The following RBFOX1 variants were observed in gnomAD, a reference collection of about 807,000 sequenced individuals.
RBFOX1 encodes the protein RNA binding protein fox-1 homolog 1.
Under a neutral mutation model 57.7 loss-of-function variants are expected in RBFOX1, and 8 were observed. That is an observed-to-expected ratio of 0.14 (90% CI 0.08 to 0.25). RBFOX1 has a LOEUF of 0.25. Among genes scored for constraint, RBFOX1 ranks in the 10% least tolerant of loss-of-function variants. The pLI, the probability that RBFOX1 is intolerant of heterozygous loss-of-function variation, is 1.00. For synonymous variants in RBFOX1, 326 were observed against 222.4 expected, an observed-to-expected ratio of 1.47 and a Z score of -4.15; for missense variants, 611 against 548.5, an observed-to-expected ratio of 1.11 and a Z score of -1.14.
Position 7,166,420 on chromosome 16 carries a change from A to G in RBFOX1, c.27+114322A>G, listed in dbSNP as rs149940296. On this transcript the variant is annotated intron_variant, in intron 4 of 15. Coordinates refer to ENST00000550418, the MANE Select transcript of RBFOX1 (RefSeq NM_018723.4). ...GTTGTAAGGAAAGATAGAAAACTATAGAGGAGTCCATGAATAAATGTGATT... is the reference window on the plus strand; with the variant it reads ...GTTGTAAGGAAAGATAGAAAACTATGGAGGAGTCCATGAATAAATGTGATT... Among the ~76,000 whole-genome samples, 20 of 152,242 alleles carry G rather than the reference A, an allele frequency of 1.3e-4. 1 individual carries two copies. The East Asian group carries it at 3.9e-3, about 29-fold the overall frequency.
At chr16:7,171,892 C>G (rs1175562862) in intron 4 of RBFOX1, among the ~76,000 whole-genome samples, 1 of 152,012 alleles carries the variant, frequency 6.6e-6, no homozygotes, top group Non-Finnish European at 1.5e-5. Flanking sequence ...CTTATGAGTA[C>G]CACTTAAGAG....
chr16:7,018,725 C>A (rs1227910428), intron 3 of RBFOX1, among the ~76,000 whole-genome samples: 1 of 151,722 alleles, frequency 6.6e-6, no homozygotes, highest in Non-Finnish European at 1.5e-5. Flanking sequence ...ACCAACATGG[C>A]ACCTGTATAC....
intron 3 of RBFOX1, among the ~76,000 whole-genome samples, chr16:5,623,109 C>G (rs1025723459): frequency 6.6e-6 from 1 of 152,172 alleles, no homozygotes; most frequent in African/African-American, 2.4e-5. Flanking sequence ...ACTGTGCTGT[C>G]TGGCCATTTC....
intron 2 of RBFOX1, among the ~76,000 whole-genome samples, chr16:6,568,091 C>G (rs2097292708): frequency 6.6e-6 from 1 of 152,184 alleles, no homozygotes; most frequent in African/African-American, 2.4e-5. Flanking sequence ...GACAGTGCAG[C>G]TTTACGGGTA....
chr16:6,710,813 C>T (rs1293096113), intron 3 of RBFOX1, among the ~76,000 whole-genome samples: 1 of 152,226 alleles, frequency 6.6e-6, no homozygotes, highest in African/African-American at 2.4e-5. Context: ...GAGAGATCCT[C>T]TTCCCCTGTA....
chr16:7,003,839 G>T (rs1197097704), intron 3 of RBFOX1, among the ~76,000 whole-genome samples: 2 of 152,224 alleles, frequency 1.3e-5, no homozygotes, highest in East Asian at 3.9e-4. Flanking sequence ...CTTATAAATT[G>T]CAAAGACTCA....
intron 4 of RBFOX1, among the ~76,000 whole-genome samples, chr16:7,431,745 G>C (rs543511720): frequency 1.2e-4 from 18 of 152,280 alleles, no homozygotes; most frequent in Admixed American, 2.0e-4. Flanking sequence ...ACAGAACAAA[G>C]ACATGGAGAG....
At chr16:7,207,494 C>A (rs9923047) in intron 4 of RBFOX1, among the ~76,000 whole-genome samples, 1 of 152,000 alleles carries the variant, frequency 6.6e-6, no homozygotes, top group East Asian at 1.9e-4. Context: ...TGGCCCCTAG[C>A]ACAGTGCCTG....
intron 1 of RBFOX1, among the ~76,000 whole-genome samples, chr16:6,228,013 A>G (rs1012102643): frequency 6.6e-6 from 1 of 152,180 alleles, no homozygotes; most frequent in South Asian, 2.1e-4. Flanking sequence ...GCACTATTCA[A>G]ACTAGCCAGG....
intron 3 of RBFOX1, among the ~76,000 whole-genome samples, chr16:6,743,904 C>T (rs913500981): frequency 1.3e-5 from 2 of 150,086 alleles, no homozygotes; most frequent in African/African-American, 5.0e-5. Context: ...ATTAACCATT[C>T]ATCTATGATA....
chr16:5,816,150 C>A (rs1323800601), intron 3 of RBFOX1, among the ~76,000 whole-genome samples: 3 of 152,152 alleles, frequency 2.0e-5, no homozygotes, highest in Admixed American at 6.5e-5. Flanking sequence ...AGCATTAACC[C>A]CCAGTGGCTC....
intron 3 of RBFOX1, among the ~76,000 whole-genome samples, chr16:7,012,734 T>A (rs755558660): frequency 3.3e-5 from 5 of 152,210 alleles, no homozygotes; most frequent in Non-Finnish European, 5.9e-5. Flanking sequence ...GTTGGGAAGC[T>A]GTGCACACTG....
At chr16:5,320,301 G>A (rs1274080508) in intron 1 of RBFOX1, among the ~76,000 whole-genome samples, 1 of 152,202 alleles carries the variant, frequency 6.6e-6, no homozygotes, top group Non-Finnish European at 1.5e-5. Context: ...GAATGGGTGA[G>A]GTCATAACTC....
In RBFOX1 at chr16:7,264,185, C is replaced by T. The variant is rs140038937; in HGVS notation, c.27+212087C>T. Among the ~76,000 whole-genome samples the T allele has an allele frequency of 4.3e-3, 650 of 152,252 alleles. 2 individuals are homozygous for T. Among genetic ancestry groups the T allele is most frequent in the African/African-American group, 0.015 (621 of 41,542 alleles). ...AGGCTCCTGGACTCCAGACCTCAAG[C>T]ACTTAGCCAGTAAACTGTGTTCCTT... is the stretch of plus-strand genomic sequence containing the variant. On this transcript the variant is annotated intron_variant, in intron 4 of 15. Transcript: ENST00000550418.
intron 1 of RBFOX1, among the ~76,000 whole-genome samples, chr16:5,264,952 G>C (rs1242793742): frequency 6.6e-6 from 1 of 152,074 alleles, no homozygotes; most frequent in Non-Finnish European, 1.5e-5. Flanking sequence ...TTTAGGAGTT[G>C]TTATTGCAGC....
chr16:7,232,710 G>C (rs1343233909), intron 4 of RBFOX1, among the ~76,000 whole-genome samples: 1 of 152,026 alleles, frequency 6.6e-6, no homozygotes, highest in Non-Finnish European at 1.5e-5. Flanking sequence ...GTGTGGTGGT[G>C]CATGCCTGTA....
At chr16:7,453,039 G>T (rs995493914) in intron 4 of RBFOX1, among the ~76,000 whole-genome samples, 2 of 149,660 alleles carry the variant, frequency 1.3e-5, no homozygotes, top group Non-Finnish European at 3.0e-5. Context: ...TGAGGCAGGA[G>T]AATCTCTTGA....
intron 3 of RBFOX1, among the ~76,000 whole-genome samples, chr16:5,653,399 T>A (rs12919735): frequency 1.5e-5 from 2 of 133,120 alleles, no homozygotes; most frequent in African/African-American, 6.7e-5. Context: ...GGTGGGGTGC[T>A]GAGCCGTGTG....
intron 4 of RBFOX1, among the ~76,000 whole-genome samples, chr16:5,892,767 G>C (rs900613499): frequency 2.0e-5 from 3 of 152,120 alleles, no homozygotes; most frequent in African/African-American, 7.2e-5. Flanking sequence ...TTTATTTTAG[G>C]AACAGCATGT....
Sources: gnomAD v4.1 joint callset for allele counts (sites outside exome capture counted in the v4.1 genomes callset) on GRCh38, gnomAD v4.1.1 for gene constraint, MANE v1.5 for transcripts, NCBI Gene and HGNC (gene_info 2026-07-23, HGNC 2026-07-21) for gene names.